Variants in SHE observed in about 807,000 individuals in gnomAD.
SHE encodes the protein Src homology 2 domain containing E, also known as SH2 domain-containing adapter protein E.
SHE carries 11 observed loss-of-function variants against 49.8 expected under a neutral mutation model. That is an observed-to-expected ratio of 0.22 (90% CI 0.14 to 0.37). The LOEUF is 0.37. Ranked by LOEUF, SHE falls within the 10% of genes least tolerant of loss-of-function variation. The pLI is 1.00. For missense variants in SHE, 624 were observed against 655.5 expected (o/e 0.95, Z 0.52); for synonymous variants, 310 against 278.1 (o/e 1.11, Z -1.14).
Position 154,479,995 on chromosome 1 carries a change from TTC to T in SHE, c.*4152_*4153del, listed in dbSNP as rs1156455443. ...ACAGCTGCTTTTCCCAACTGCAGTT[TTC>T]TCTTTTCCCATTAGATGGCAGTAAC... On this transcript the variant is annotated 3_prime_UTR_variant, in exon 6 of 6. Coordinates refer to ENST00000304760, the MANE Select transcript of SHE (RefSeq NM_001010846.3). The T allele has an allele frequency of 2.0e-6, 2 of 985,330 alleles. No individual in the cohort carries two copies. Among genetic ancestry groups the T allele is most frequent in the African/African-American group, 3.5e-5 (2 of 57,240 alleles). 61.0% of individuals were successfully genotyped at this position (985,330 alleles called of 1,614,324 possible). A position where few individuals can be genotyped will look rare whatever the true frequency, so the allele number is the denominator to read the frequency against.
chr1:154,489,395 AC>A, intron 2 of SHE, 39 bp from the exon 3 acceptor site: 1 of 1,585,100 alleles, frequency 6.3e-7, no homozygotes, highest in Non-Finnish European at 8.6e-7. Context: ...CACACACCAT[AC>A]ACAATGTCTT....
intron 3 of SHE, among the ~76,000 whole-genome samples, chr1:154,487,993 T>G (rs1405835499): frequency 1.3e-5 from 2 of 149,414 alleles, no homozygotes; most frequent in East Asian, 2.0e-4. Flanking sequence ...AGGCTGGAGT[T>G]CAGTGGGGAG....
At chr1:154,470,488 A>G (rs963474042) in intron 1 of SHE, 37 of 930,600 alleles carry the variant, frequency 4.0e-5, no homozygotes, top group Non-Finnish European at 5.4e-5. Context: ...GGGCAGGGGC[A>G]GGAAACAGTG....
At position 154,487,991 on chromosome 1, in the gene SHE, G is replaced by C. The variant is rs145577298; in HGVS notation, c.1024+1060C>G. ...GTCTCACTCTGTCACCCAGGCTGGA[G>C]TTCAGTGGGGAGATCTTGGCTCACT... On this transcript the variant is annotated intron_variant, in intron 3 of 5. Transcript: ENST00000304760. 9.5e-3 allele frequency among the ~76,000 whole-genome samples: 1,434 copies of C among 150,614 alleles called. 31 individuals are homozygous for C. Among genetic ancestry groups the C allele is most frequent in the African/African-American group, 0.032 (1,321 of 40,950 alleles).
chr1:154,486,128 T>C (rs1692169195), intron 4 of SHE, 66 bp from the exon 5 acceptor site: 5 of 1,581,678 alleles, frequency 3.2e-6, no homozygotes, highest in Non-Finnish European at 4.3e-6. Flanking sequence ...AGACTGGGCA[T>C]TGCTCCATAA....
rs138194878 is a variant in SHE at position 154,501,586 on chromosome 1, G to A, written c.441C>T (p.Leu147=). The part of the protein sequence containing the change: ...SSGCSTYINR[L]IKVDTQEKNG... ...TCTTCTCCTGAGTGTCCACCTTGAT[G>A]AGCCTGTTGATGTAGGTGCTGCAGC... Residue 147 remains leucine (L), a synonymous_variant, in exon 1 of 6, where the codon CTC becomes CTT. Coordinates refer to ENST00000304760, the MANE Select transcript of SHE (RefSeq NM_001010846.3). 55 of 1,614,176 alleles carry A rather than the reference G, an allele frequency of 3.4e-5. 1 individual carries two copies. The African/African-American group carries it at 5.5e-4, about 16-fold the overall frequency.
chr1:154,479,205 C>T (rs1372134288), downstream of SHE, among the ~76,000 whole-genome samples: 1 of 152,122 alleles, frequency 6.6e-6, no homozygotes, highest in Non-Finnish European at 1.5e-5. Flanking sequence ...AGAACCAGTG[C>T]ACTAACTTTC....
At chr1:154,484,561 A>G (rs1571045918) in intron 5 of SHE, 2 of 433,126 alleles carry the variant, frequency 4.6e-6, no homozygotes, top group East Asian at 3.4e-5. Flanking sequence ...ATGAGTCATC[A>G]GGTAGTGGAA....
chr1:154,495,789 A>C (rs1191728069), intron 2 of SHE, among the ~76,000 whole-genome samples: 2 of 152,156 alleles, frequency 1.3e-5, no homozygotes, highest in East Asian at 3.8e-4. Context: ...ACATATGGGC[A>C]GTATTCTACA....
At chr1:154,495,534 G>C (rs1692500540) in intron 2 of SHE, among the ~76,000 whole-genome samples, 1 of 152,072 alleles carries the variant, frequency 6.6e-6, no homozygotes. Flanking sequence ...GGAAAGCCAT[G>C]GGCTTCTCTC....
chr1:154,499,424 C>G (rs940627860), intron 1 of SHE, among the ~76,000 whole-genome samples, 186 bp from the exon 2 acceptor site: 1 of 152,110 alleles, frequency 6.6e-6, no homozygotes, highest in Non-Finnish European at 1.5e-5. Context: ...TTTGGTTGTA[C>G]AGTTGATTTG....
chr1:154,489,502 C>G, intron 2 of SHE, 146 bp from the exon 3 acceptor site: 2 of 1,002,508 alleles, frequency 2.0e-6, no homozygotes, highest in Non-Finnish European at 2.9e-6. Flanking sequence ...CAAGATTGCT[C>G]CCTGATAGGT....
chr1:154,486,776 G>C, intron 3 of SHE, 93 bp from the exon 4 acceptor site: 2 of 1,442,842 alleles, frequency 1.4e-6, no homozygotes, highest in African/African-American at 2.8e-5. Flanking sequence ...CTTGGCTCAG[G>C]AAAGAAGCAT....
chr1:154,481,048 GACT>G lies in SHE; in HGVS notation c.*3098_*3100del, dbSNP rs1692005763. 1.0e-6 allele frequency: 1 copy of G among 985,280 alleles called. No individual in the cohort carries two copies. The highest frequency in any genetic ancestry group is 1.2e-6 in the Non-Finnish European group (1 of 829,940). 61.0% of individuals were successfully genotyped at this position (985,280 alleles called of 1,614,324 possible). On this transcript the variant is annotated 3_prime_UTR_variant, in exon 6 of 6. Coordinates refer to ENST00000304760, the MANE Select transcript of SHE (RefSeq NM_001010846.3). ...AGATGGAATAACTCGAAGGAATGAG[GACT>G]ACAGGAAAATACTTGTCTCAAGACA... is the stretch of plus-strand genomic sequence containing the variant.
At chr1:154,489,404 C>T (rs1571053102) in intron 2 of SHE, 48 bp from the exon 3 acceptor site, 1 of 1,572,470 alleles carries the variant, frequency 6.4e-7, no homozygotes. Context: ...TACACAATGT[C>T]TTGAAAGCAA....
downstream of SHE, among the ~76,000 whole-genome samples, chr1:154,478,030 G>A (rs1691924553): frequency 6.6e-6 from 1 of 152,062 alleles, no homozygotes; most frequent in Non-Finnish European, 1.5e-5. Context: ...CCTCATGTAA[G>A]TGGAATCATA....
chr1:154,479,400 G>T (rs2149288603), downstream of SHE: 1 of 638,486 alleles, frequency 1.6e-6, no homozygotes, highest in Non-Finnish European at 1.9e-6. Flanking sequence ...ATGAAACTCT[G>T]CTGTAGCTCT....
At chr1:154,497,025 A>G (rs1321756101) in intron 2 of SHE, among the ~76,000 whole-genome samples, 1 of 152,182 alleles carries the variant, frequency 6.6e-6, no homozygotes, top group Non-Finnish European at 1.5e-5. Context: ...ATGTTTTTTA[A>G]AACTCTGACA....
In SHE at chr1:154,489,371, C is replaced by G. The variant is rs201270840; in HGVS notation, c.719-15G>C. Reference sequence around the variant, plus strand: ...TCGTCTAATTTCTGAAAAACACACACCATTTCTGAAAAACACACACCATAC... The same window carrying G: ...TCGTCTAATTTCTGAAAAACACACAGCATTTCTGAAAAACACACACCATAC... On this transcript the variant is annotated splice_polypyrimidine_tract_variant and intron_variant, in intron 2 of 5. Transcript: ENST00000304760. 1.2e-6 allele frequency: 2 copies of G among 1,607,106 alleles called. No individual in the cohort carries two copies. The highest frequency in any genetic ancestry group is 3.4e-5 in the Admixed American group (2 of 59,044).
Sources: allele counts gnomAD v4.1 joint callset (sites outside exome capture counted in the v4.1 genomes callset), GRCh38; gene constraint gnomAD v4.1.1; transcripts MANE v1.5; gene names NCBI Gene and HGNC (gene_info 2026-07-23, HGNC 2026-07-21).